The following NCSTN variants were observed in gnomAD, a reference collection of about 807,000 sequenced individuals.
NCSTN encodes anterior pharynx-defective 2.
A neutral mutation model predicts 87.0 loss-of-function variants in NCSTN; 22 were observed. The ratio of observed to expected loss-of-function variants is 0.25; its 90% CI spans 0.18 to 0.36. NCSTN has a LOEUF of 0.36. Among genes scored for constraint, NCSTN ranks in the 10% least tolerant of loss-of-function variants. NCSTN has a pLI of 1.00. For synonymous variants in NCSTN, 306 were observed against 327.1 expected (o/e 0.94, Z 0.69); for missense variants, 693 against 883.3 (o/e 0.78, Z 2.73).
chr1:160,353,157 C>A lies in NCSTN; in HGVS notation c.1102-3C>A, dbSNP rs761044931. The A allele has an allele frequency of 6.8e-6, 11 of 1,613,938 alleles. No homozygotes were observed. The highest frequency in any genetic ancestry group is 1.3e-5 in the African/African-American group (1 of 74,920). ...AAGTGTTGTTTCTTCATCCTCCCCC[C>A]AGGTGGCCTTAAGAACTTCATTAGA... On this transcript the variant is annotated splice_region_variant and splice_polypyrimidine_tract_variant and intron_variant, in intron 9 of 16. Transcript: ENST00000294785.
chr1:160,343,797 G>A (rs1230143493), intron 1 of NCSTN: 8 of 612,928 alleles, frequency 1.3e-5, no homozygotes, highest in Non-Finnish European at 2.5e-5. Flanking sequence ...CAGTCGAAAG[G>A]AACAGGTGTG....
chr1:160,358,578 C>T lies in NCSTN; in HGVS notation c.*307C>T. 2 of 412,134 alleles carry T rather than the reference C, an allele frequency of 4.9e-6. No individual in the cohort carries two copies. The highest frequency in any genetic ancestry group is 2.1e-5 in the South Asian group (1 of 47,314). The allele number at this position is 412,134 out of a possible 1,614,324, so 25.5% of individuals were successfully genotyped here. A position where few individuals can be genotyped will look rare whatever the true frequency, so the allele number is the denominator to read the frequency against. ...CCCTAGTTACCCACCCTAATTTGCC[C>T]TTCAGGACCCTTCTACTTTTTCCTT... On this transcript the variant is annotated 3_prime_UTR_variant, in exon 17 of 17. Coordinates refer to ENST00000294785, the MANE Select transcript of NCSTN (RefSeq NM_015331.3).
chr1:160,344,007 G>A (rs1225427760), intron 1 of NCSTN: 3 of 252,974 alleles, frequency 1.2e-5, no homozygotes, highest in Non-Finnish European at 2.3e-5. Flanking sequence ...GGTAGGATAT[G>A]GGTACTCTTA....
At position 160,358,207 on chromosome 1, in the gene NCSTN, G is replaced by A; in HGVS notation, c.2066G>A (p.Cys689Tyr). ...ATCTTCTCCCTCATCGTCACCTACTGCATCAATGCCAAAGCTGATGTCCTT... is the reference window on the plus strand; with the variant it reads ...ATCTTCTCCCTCATCGTCACCTACTACATCAATGCCAAAGCTGATGTCCTT... ...ILIFSLIVTY[C>Y]INAKADVLFI... The change falls in exon 17 of 17, where the codon TGC (cysteine) becomes TAC (tyrosine). Residue 689 changes from cysteine to tyrosine, a missense_variant. Physicochemically the swap from Cys to Tyr is radical, Grantham distance 194. Transcript: ENST00000294785. 6.2e-7 allele frequency: 1 copy of A among 1,614,092 alleles called. No homozygotes were observed. Among genetic ancestry groups the A allele is most frequent in the Non-Finnish European group, 8.5e-7 (1 of 1,180,024 alleles).
Position 160,343,494 on chromosome 1 carries a change from C to G in NCSTN, c.85+13C>G. ...GTCCTACTAGCAGGTGAGGCCTCCCCGCCCGTGAGCTCCGTTCTCTAAGGG... is the reference window on the plus strand; with the variant it reads ...GTCCTACTAGCAGGTGAGGCCTCCCGGCCCGTGAGCTCCGTTCTCTAAGGG... On this transcript the variant is annotated intron_variant, in intron 1 of 16. Transcript: ENST00000294785. 2 of 1,597,126 alleles carry G rather than the reference C, an allele frequency of 1.3e-6. No homozygotes were observed. The highest frequency in any genetic ancestry group is 2.3e-5 in the East Asian group (1 of 44,274).
At chr1:160,345,570 C>T (rs1427912185) in intron 2 of NCSTN, among the ~76,000 whole-genome samples, 1 of 152,180 alleles carries the variant, frequency 6.6e-6, no homozygotes, top group Non-Finnish European at 1.5e-5. Context: ...GTCCAGTTAT[C>T]ACTTGCACTC....
chr1:160,358,193 C>G lies in NCSTN; in HGVS notation c.2052C>G (p.Leu684=). The G allele has an allele frequency of 6.2e-7, 1 of 1,614,202 alleles. No homozygotes were observed. The highest frequency in any genetic ancestry group is 8.5e-7 in the Non-Finnish European group (1 of 1,180,042). The change falls in exon 17 of 17, where the codon CTC becomes CTG. Residue 684 remains leucine (L), a synonymous_variant. Transcript: ENST00000294785. ...TVGFGILIFS[L]IVTYCINAKA... is the part of the protein sequence containing the mutation. ...GCTTCGGCATCCTCATCTTCTCCCT[C>G]ATCGTCACCTACTGCATCAATGCCA...
intron 4 of NCSTN, 51 bp downstream of exon 4, chr1:160,349,721 T>G (rs768485634): frequency 4.4e-6 from 7 of 1,607,820 alleles, no homozygotes; most frequent in Non-Finnish European, 6.0e-6. Flanking sequence ...AGGCTCACTG[T>G]TGCTTCGGTC....
At chr1:160,353,999 A>T in intron 10 of NCSTN, 119 bp from the exon 11 acceptor site, 1 of 1,090,074 alleles carries the variant, frequency 9.2e-7, no homozygotes, top group Non-Finnish European at 1.4e-6. Flanking sequence ...AAGGTCTACT[A>T]GAGATAGGGT....
At chr1:160,357,482 G>T (rs192487692) in intron 16 of NCSTN, among the ~76,000 whole-genome samples, 59 of 152,318 alleles carry the variant, frequency 3.9e-4, no homozygotes, top group Non-Finnish European at 6.3e-4. Flanking sequence ...TCAGCTTACT[G>T]CAACCTCCGT....
intron 2 of NCSTN, among the ~76,000 whole-genome samples, chr1:160,346,972 G>A (rs1254154013): frequency 1.3e-5 from 2 of 152,250 alleles, no homozygotes; most frequent in Non-Finnish European, 2.9e-5. Context: ...GCTGAGATCA[G>A]ACTGCTGGTC....
At chr1:160,351,164 A>G in intron 5 of NCSTN, 58 bp from the exon 6 acceptor site, 1 of 1,588,346 alleles carries the variant, frequency 6.3e-7, no homozygotes. Context: ...TCCTTCTGGG[A>G]TGTAAGGGAG....
At chr1:160,346,753 G>A (rs185226684) in intron 2 of NCSTN, among the ~76,000 whole-genome samples, 55 of 152,180 alleles carry the variant, frequency 3.6e-4, no homozygotes, top group African/African-American at 1.3e-3. Context: ...TTACAGGCGC[G>A]TGCCACCGTG....
chr1:160,346,566 G>T, intron 2 of NCSTN, among the ~76,000 whole-genome samples: 1 of 151,814 alleles, frequency 6.6e-6, no homozygotes, highest in African/African-American at 2.4e-5. Flanking sequence ...TAGGTTGACT[G>T]GTTCCAAACA....
intron 7 of NCSTN, 83 bp from the exon 8 acceptor site, chr1:160,351,971 T>C (rs1462620389): frequency 1.9e-6 from 3 of 1,560,138 alleles, no homozygotes; most frequent in Admixed American, 3.3e-5. Context: ...AGGACAGGTA[T>C]ATTCTCTTGA....
intron 10 of NCSTN, 46 bp from the exon 11 acceptor site, chr1:160,354,072 C>G: frequency 6.3e-7 from 1 of 1,588,942 alleles, no homozygotes; most frequent in Non-Finnish European, 8.6e-7. Flanking sequence ...CCTCCTGCTT[C>G]CCATCCCCCA....
At chr1:160,344,591 T>C in intron 1 of NCSTN, 131 bp from the exon 2 acceptor site, 2 of 1,552,992 alleles carry the variant, frequency 1.3e-6, no homozygotes, top group Non-Finnish European at 1.7e-6. Context: ...ATCAGAAGAA[T>C]GGACTTTAAT....
chr1:160,346,328 G>GTCAAACCTCTTAATACC (rs1469268811), intron 2 of NCSTN, among the ~76,000 whole-genome samples: 2 of 152,222 alleles, frequency 1.3e-5, no homozygotes, highest in Admixed American at 1.3e-4. Flanking sequence ...AAAGCTGAAA[G>GTCAAACCTCTTAATACC]TCAAATACCT....
intron 7 of NCSTN, 97 bp from the exon 8 acceptor site, chr1:160,351,957 C>T (rs1648872861): frequency 1.3e-6 from 2 of 1,538,218 alleles, no homozygotes; most frequent in African/African-American, 2.7e-5. Flanking sequence ...GTCTCCATTG[C>T]CACAGGACAG....
Sources: allele counts gnomAD v4.1 joint callset (sites outside exome capture counted in the v4.1 genomes callset), GRCh38; gene constraint gnomAD v4.1.1; transcripts MANE v1.5; gene names NCBI Gene and HGNC (gene_info 2026-07-23, HGNC 2026-07-21).